ERICH1: variants seen among roughly 807,000 people sequenced by gnomAD.
ERICH1 encodes glutamate rich 1.
Under a neutral mutation model 39.6 loss-of-function variants are expected in ERICH1, and 56 were observed. The observed-to-expected ratio is 1.41, with a 90% CI of 1.14 to 1.77. ERICH1 has a LOEUF of 1.77. ERICH1 is among the 40% of genes most tolerant of loss of function. The probability of loss-of-function intolerance (pLI) is 0.00; values close to 1 mark genes in which losing one functional copy is unlikely to be tolerated. For missense variants in ERICH1, 826 were observed against 575.4 expected (o/e 1.44, Z -4.45); for synonymous variants, 313 against 223.6 (o/e 1.40, Z -3.57).
intron 3 of ERICH1, among the ~76,000 whole-genome samples, chr8:642,837 A>C (rs1358318360): frequency 6.6e-6 from 1 of 152,054 alleles, no homozygotes; most frequent in Non-Finnish European, 1.5e-5. Flanking sequence ...GGGGGCTGGA[A>C]AATTGAGTGA....
chr8:627,041 C>A, intron 3 of ERICH1: 1 of 448,176 alleles, frequency 2.2e-6, no homozygotes. Flanking sequence ...CCTTCTGTCT[C>A]CTCGGAGGGC....
At chr8:651,620 G>A (rs1799954296) in intron 3 of ERICH1, among the ~76,000 whole-genome samples, 2 of 152,012 alleles carry the variant, frequency 1.3e-5, no homozygotes, top group South Asian at 4.2e-4. Context: ...AGGTAAGCCA[G>A]AGAGAGAGCT....
intron 2 of ERICH1, among the ~76,000 whole-genome samples, chr8:709,485 C>T (rs1390240665): frequency 6.6e-6 from 1 of 152,220 alleles, no homozygotes; most frequent in Non-Finnish European, 1.5e-5. Flanking sequence ...GCAAAAGGCT[C>T]GTGCACCCAA....
chr8:624,357 A>G (rs184827049), intron 3 of ERICH1, among the ~76,000 whole-genome samples: 15 of 152,304 alleles, frequency 9.8e-5, no homozygotes, highest in Admixed American at 9.8e-4. Flanking sequence ...CAGTCCAGCA[A>G]TTTCCCAAAA....
At chr8:615,311 G>C (rs887502909) in intron 3 of ERICH1, 15 of 657,148 alleles carry the variant, frequency 2.3e-5, no homozygotes, top group Non-Finnish European at 1.9e-5. Context: ...AGGGAGATCA[G>C]TTGTGTTCAT....
chr8:668,066 T>G (rs933335646), intron 5 of ERICH1: 3 of 178,156 alleles, frequency 1.7e-5, no homozygotes, highest in Non-Finnish European at 3.6e-5. Context: ...TTTCAGCATT[T>G]GCAGGTTTCT....
chr8:641,411 A>C (rs1798961607), intron 3 of ERICH1, among the ~76,000 whole-genome samples: 1 of 152,346 alleles, frequency 6.6e-6, no homozygotes, highest in East Asian at 1.9e-4. Flanking sequence ...AGAAAAAGAA[A>C]TCCCCAAGTC....
At chr8:640,697 G>A (rs1798880544) in intron 3 of ERICH1, 1 of 152,188 alleles carries the variant, frequency 6.6e-6, no homozygotes, top group South Asian at 2.1e-4. Context: ...GATGGAAAGA[G>A]TCCACGTAGG....
At chr8:656,476 GAGA>G (rs1800676733) in intron 3 of ERICH1, among the ~76,000 whole-genome samples, 2 of 152,168 alleles carry the variant, frequency 1.3e-5, no homozygotes, top group Non-Finnish European at 2.9e-5. Context: ...ACTTTTTTGT[GAGA>G]AGTAGAGCTT....
At chr8:636,352 A>G (rs1445653791) in intron 3 of ERICH1, among the ~76,000 whole-genome samples, 2 of 152,224 alleles carry the variant, frequency 1.3e-5, no homozygotes, top group African/African-American at 2.4e-5. Context: ...TGTGGAAATC[A>G]TTGATGGTTT....
At chr8:677,538 T>C (rs1022252493) in intron 3 of ERICH1, among the ~76,000 whole-genome samples, 2 of 152,182 alleles carry the variant, frequency 1.3e-5, no homozygotes, top group Admixed American at 6.5e-5. Context: ...CGAGTGTGTG[T>C]TGTTGCTTTT....
chr8:704,529 G>C (rs769561353), intron 2 of ERICH1, among the ~76,000 whole-genome samples: 1 of 152,114 alleles, frequency 6.6e-6, no homozygotes, highest in Non-Finnish European at 1.5e-5. Context: ...TCCACTAAAG[G>C]TTTCACAAAA....
At chr8:619,360 T>A (rs1448057458) in intron 3 of ERICH1, among the ~76,000 whole-genome samples, 1 of 152,214 alleles carries the variant, frequency 6.6e-6, no homozygotes, top group African/African-American at 2.4e-5. Flanking sequence ...TAAAAGACAG[T>A]ATAACATATT....
chr8:687,550 G>C (rs1227335507), intron 3 of ERICH1, among the ~76,000 whole-genome samples: 1 of 152,230 alleles, frequency 6.6e-6, no homozygotes, highest in Non-Finnish European at 1.5e-5. Flanking sequence ...GCGCAGGGGA[G>C]AGGCGGGAAC....
At position 646,896 on chromosome 8, in the gene ERICH1, C is replaced by G. The variant is rs1240916801; in HGVS notation, c.976+21702G>C. ...CAGAAGTGTGCTGCCCACACCTGGT[C>G]TTGCTGGCAAACAGGCTCATCCCAG... On this transcript the variant is annotated intron_variant, in intron 3 of 3. Transcript: ENST00000522706. 2.4e-4 allele frequency among the ~76,000 whole-genome samples: 17 copies of G among 69,544 alleles called. 8 individuals are homozygous for G. The highest frequency in any genetic ancestry group is 6.8e-4 in the Non-Finnish European group (15 of 22,010). The allele number at this position is 69,544 out of a possible 152,430, so 45.6% of individuals were successfully genotyped here. A position where few individuals can be genotyped will look rare whatever the true frequency, so the allele number is the denominator to read the frequency against.
Position 715,812 on chromosome 8 carries a change from A to G in ERICH1, c.169+49T>C, listed in dbSNP as rs759862872. On this transcript the variant is annotated intron_variant, in intron 2 of 5. Coordinates refer to ENST00000262109, the MANE Select transcript of ERICH1 (RefSeq NM_207332.3). ...TCTCCAAGGCAAGTGATGATGACGG[A>G]GGTTAACTTCAGTTTCTGAGACCCA... 1.9e-6 allele frequency: 3 copies of G among 1,574,298 alleles called. No individual in the cohort carries two copies. The Admixed American group carries it at 5.5e-5, about 29-fold the overall frequency.
Position 715,940 on chromosome 8 carries a change from G to A in ERICH1, c.90C>T (p.Pro30=), listed in dbSNP as rs1340338771. Residue 30 remains proline (P), a synonymous_variant, in exon 2 of 6, where the codon CCC becomes CCT. Coordinates refer to ENST00000262109, the MANE Select transcript of ERICH1 (RefSeq NM_207332.3). ...PVPSGQGKRE[P]QTLAVQNPPK... is the part of the protein sequence containing the mutation. Reference sequence around the variant, plus strand: ...GTGGATTTTGGACGGCCAGCGTCTGGGGTTCCCTCTTTCCTTGGCCACTTG... The same window carrying A: ...GTGGATTTTGGACGGCCAGCGTCTGAGGTTCCCTCTTTCCTTGGCCACTTG... 3 of 1,613,820 alleles carry A rather than the reference G, an allele frequency of 1.9e-6. No individual in the cohort carries two copies. The highest frequency in any genetic ancestry group is 1.3e-5 in the African/African-American group (1 of 74,922).
At chr8:619,052 G>C (rs1797113650) in intron 3 of ERICH1, among the ~76,000 whole-genome samples, 2 of 152,074 alleles carry the variant, frequency 1.3e-5, no homozygotes, top group South Asian at 4.2e-4. Context: ...AGAGTCTGTG[G>C]CATTTCAGCC....
intron 3 of ERICH1, among the ~76,000 whole-genome samples, chr8:690,023 G>C (rs78595772): frequency 0.015 from 2,312 of 152,244 alleles, 61 homozygotes; most frequent in African/African-American, 0.052. Flanking sequence ...TCTATAGTGG[G>C]TTGTTCTGTC....
Sources: allele counts gnomAD v4.1 joint callset (sites outside exome capture counted in the v4.1 genomes callset), GRCh38; gene constraint gnomAD v4.1.1; transcripts MANE v1.5; gene names NCBI Gene and HGNC (gene_info 2026-07-23, HGNC 2026-07-21).